Variants in DHX57 observed in about 807,000 individuals in gnomAD.
DHX57 encodes the protein DExH-box helicase 57.
A neutral mutation model predicts 156.2 loss-of-function variants in DHX57; 105 were observed. That is an observed-to-expected ratio of 0.67 (90% confidence interval 0.57 to 0.79). DHX57 has a LOEUF of 0.79. Among genes scored for constraint, DHX57 ranks in the 30% least tolerant of loss-of-function variants. The pLI, the probability that DHX57 is intolerant of heterozygous loss-of-function variation, is 0.00. For synonymous variants in DHX57, 704 were observed against 595.6 expected (o/e 1.18, Z -2.65); for missense variants, 1,847 against 1,661.9 (o/e 1.11, Z -1.94).
Position 38,837,881 on chromosome 2 carries a change from A to C in DHX57, c.2492T>G (p.Ile831Arg). 6.2e-7 allele frequency: 1 copy of C among 1,613,890 alleles called. No homozygotes were observed. Among genetic ancestry groups the C allele is most frequent in the Non-Finnish European group, 8.5e-7 (1 of 1,179,778 alleles). ...MDFEKVNLEL[I>R]EALLEWIVDG... ...CACAATCCACTCTAATAAGGCCTCTATTAATTCAAGATTCACCTTTTCAAA... is the reference window on the plus strand; with the variant it reads ...CACAATCCACTCTAATAAGGCCTCTCTTAATTCAAGATTCACCTTTTCAAA... The change falls in exon 13 of 24, where the codon ATA becomes AGA. Residue 831 changes from isoleucine to arginine, a missense_variant. By Grantham distance (97) the Ile-to-Arg change is moderately conservative (BLOSUM62 -3). Coordinates refer to ENST00000457308, the MANE Select transcript of DHX57 (RefSeq NM_198963.3).
rs775222505 is a variant in DHX57 at position 38,858,816 on chromosome 2, C to T, written c.1432G>A (p.Glu478Lys). The T allele has an allele frequency of 1.8e-5, 29 of 1,610,692 alleles. No homozygotes were observed. The highest frequency in any genetic ancestry group is 2.3e-5 in the Non-Finnish European group (27 of 1,179,240). ...GGACCGTCATCCTCATCTGACTCCT[C>T]AGATTCTGATGCTTTTTCAACTTGA... ...IPEVEKASESEESDEDDGPAP... is the reference protein window; with the variant it reads ...IPEVEKASESKESDEDDGPAP... The change falls in exon 6 of 24, where the codon GAG becomes AAG. Residue 478 changes from glutamate to lysine, a missense_variant. Coordinates refer to ENST00000457308, the MANE Select transcript of DHX57 (RefSeq NM_198963.3).
chr2:38,861,077 T>C lies in DHX57; in HGVS notation c.1333A>G (p.Arg445Gly), dbSNP rs1673168276. Residue 445 changes from arginine (R) to glycine (G), a missense_variant, in exon 5 of 24, where the codon AGG becomes GGG. Physicochemically the swap from Arg to Gly is moderately radical, Grantham distance 125. Transcript: ENST00000457308. Reference sequence around the variant, plus strand: ...CAGGCAGGATTATTTATTCTGGTCCTAGAGGGTACTGGCAGAAAGTTCACA... The same window carrying C: ...CAGGCAGGATTATTTATTCTGGTCCCAGAGGGTACTGGCAGAAAGTTCACA... ...PPVNFLPVPSRTRINNPACHK... is the reference protein window; with the variant it reads ...PPVNFLPVPSGTRINNPACHK... 1 of 1,614,094 alleles carries C rather than the reference T, an allele frequency of 6.2e-7. No individual in the cohort carries two copies. Among genetic ancestry groups the C allele is most frequent in the African/African-American group, 1.3e-5 (1 of 74,942 alleles).
chr2:38,800,763 A>G (rs1462992684), intron 23 of DHX57, among the ~76,000 whole-genome samples: 1 of 152,140 alleles, frequency 6.6e-6, no homozygotes, highest in African/African-American at 2.4e-5. Flanking sequence ...CGTTTTTGTC[A>G]CCACTGAACT....
chr2:38,807,382 T>G (rs1670005561), intron 21 of DHX57, among the ~76,000 whole-genome samples: 1 of 151,372 alleles, frequency 6.6e-6, no homozygotes, highest in African/African-American at 2.4e-5. Flanking sequence ...TTTTGAGACG[T>G]AGTCTCCCTC....
chr2:38,841,069 T>C (rs1448115656), intron 12 of DHX57, among the ~76,000 whole-genome samples: 1 of 152,210 alleles, frequency 6.6e-6, no homozygotes, highest in Non-Finnish European at 1.5e-5. Flanking sequence ...GTGATCCTCC[T>C]GCCTCAGCCT....
At chr2:38,820,876 GAAAA>G (rs200808059) in intron 17 of DHX57, among the ~76,000 whole-genome samples, 4 of 112,094 alleles carry the variant, frequency 3.6e-5, no homozygotes, top group Non-Finnish European at 5.7e-5. Context: ...TTTAATGAAG[GAAAA>G]AAAAAAAAAA....
intron 23 of DHX57, among the ~76,000 whole-genome samples, chr2:38,801,772 T>A (rs1669696246): frequency 2.0e-5 from 3 of 152,092 alleles, no homozygotes; most frequent in Admixed American, 6.6e-5. Context: ...TTTTTTAAAA[T>A]TTTTAGTAGA....
intron 19 of DHX57, 57 bp downstream of exon 19, chr2:38,818,820 C>T (rs959551482): frequency 2.5e-6 from 4 of 1,578,728 alleles, no homozygotes; most frequent in Admixed American, 3.4e-5. Context: ...AGTCGCAGCA[C>T]CCTCTGGTGA....
At chr2:38,871,894 G>C (rs1412651864) in intron 1 of DHX57, among the ~76,000 whole-genome samples, 2 of 152,004 alleles carry the variant, frequency 1.3e-5, no homozygotes, top group Non-Finnish European at 1.5e-5. Flanking sequence ...ATTTTTAGTA[G>C]AGACAGGGTT....
chr2:38,870,489 C>T (rs1336170876), intron 1 of DHX57, among the ~76,000 whole-genome samples: 1 of 152,226 alleles, frequency 6.6e-6, no homozygotes, highest in East Asian at 1.9e-4. Flanking sequence ...AACAACTTAT[C>T]ACTTACAGGG....
At chr2:38,806,808 CTGTT>C in intron 21 of DHX57, 115 bp from the exon 22 acceptor site, 1 of 980,934 alleles carries the variant, frequency 1.0e-6, no homozygotes, top group South Asian at 1.9e-5. Context: ...AATAGCTTTC[CTGTT>C]TGTTCCCTTT....
intron 13 of DHX57, among the ~76,000 whole-genome samples, chr2:38,832,366 G>A (rs1671425299): frequency 1.3e-5 from 2 of 151,910 alleles, no homozygotes; most frequent in Non-Finnish European, 1.5e-5. Flanking sequence ...CTTGAACCCA[G>A]GAGGCGGAAG....
intron 13 of DHX57, among the ~76,000 whole-genome samples, chr2:38,831,703 A>C (rs1193921447): frequency 6.6e-6 from 1 of 151,870 alleles, no homozygotes; most frequent in East Asian, 1.9e-4. Flanking sequence ...AAAAAAACAA[A>C]AAAATTAGCC....
intron 1 of DHX57, among the ~76,000 whole-genome samples, chr2:38,870,225 A>T (rs1038113831): frequency 3.3e-5 from 5 of 152,186 alleles, no homozygotes; most frequent in Non-Finnish European, 7.4e-5. Context: ...GTGGGACACC[A>T]TCAAGGGTAC....
At chr2:38,853,205 G>A (rs1289073239) in intron 9 of DHX57, 1 of 145,198 alleles carries the variant, frequency 6.9e-6, no homozygotes, top group Non-Finnish European at 1.5e-5. Context: ...CCTTAGGTGT[G>A]AGGCATCACG....
At chr2:38,809,387 A>G (rs1283793185) in intron 21 of DHX57, among the ~76,000 whole-genome samples, 1 of 151,882 alleles carries the variant, frequency 6.6e-6, no homozygotes, top group Non-Finnish European at 1.5e-5. Flanking sequence ...AGCCTTACAA[A>G]GTGCCACGAG....
intron 19 of DHX57, among the ~76,000 whole-genome samples, chr2:38,816,348 G>A (rs1670546978): frequency 6.6e-6 from 1 of 151,896 alleles, no homozygotes; most frequent in Non-Finnish European, 1.5e-5. Context: ...CCGAGTAGCT[G>A]GGGCTACAGG....
chr2:38,872,726 CA>C (rs1285433156), intron 1 of DHX57, among the ~76,000 whole-genome samples: 1 of 152,082 alleles, frequency 6.6e-6, no homozygotes, highest in Non-Finnish European at 1.5e-5. Context: ...CCAAAATACA[CA>C]AAGCAACAAC....
chr2:38,817,386 C>A (rs1313171426), intron 19 of DHX57, among the ~76,000 whole-genome samples: 1 of 152,192 alleles, frequency 6.6e-6, no homozygotes, highest in African/African-American at 2.4e-5. Flanking sequence ...ACAATCTCAA[C>A]TCACTGAAAC....
Sources: allele counts gnomAD v4.1 joint callset (sites outside exome capture counted in the v4.1 genomes callset), GRCh38; gene constraint gnomAD v4.1.1; transcripts MANE v1.5; gene names NCBI Gene and HGNC (gene_info 2026-07-23, HGNC 2026-07-21).